Variants in TANGO6 observed in about 807,000 individuals in gnomAD.
TANGO6 encodes the protein transport and Golgi organization protein 6 homolog.
TANGO6 carries 90 observed loss-of-function variants against 114.2 expected under a neutral mutation model. The observed-to-expected ratio is 0.79, with a 90% confidence interval of 0.66 to 0.94. TANGO6 has a LOEUF of 0.94. TANGO6 is among the 40% of genes least tolerant of loss of function. TANGO6 has a pLI of 0.00. For missense variants in TANGO6, 1,274 were observed against 1,315.3 expected (o/e 0.97, Z 0.49); for synonymous variants, 477 against 509.8 (o/e 0.94, Z 0.87).
chr16:69,071,516 T>TA (rs1960296753), intron 17 of TANGO6, among the ~76,000 whole-genome samples: 1 of 152,178 alleles, frequency 6.6e-6, no homozygotes, highest in African/African-American at 2.4e-5. Context: ...GTTCCAGTAG[T>TA]AAAAAACACC....
At chr16:68,960,558 A>G (rs1476190416) in intron 14 of TANGO6, among the ~76,000 whole-genome samples, 1 of 151,982 alleles carries the variant, frequency 6.6e-6, no homozygotes, top group African/African-American at 2.4e-5. Context: ...GCTGGAGTGC[A>G]GTGACACAGT....
chr16:69,024,235 G>T (rs1959462310), intron 16 of TANGO6, among the ~76,000 whole-genome samples: 1 of 149,404 alleles, frequency 6.7e-6, no homozygotes, highest in South Asian at 2.1e-4. Flanking sequence ...TGTGCGTCTT[G>T]CCCCTGGCCT....
Position 69,083,854 on chromosome 16 carries a change from G to A in TANGO6, c.*193G>A. On this transcript the variant is annotated 3_prime_UTR_variant, in exon 18 of 18. Transcript: ENST00000261778. ...CATGTGTTCAGCACTCCCGCGTTCA[G>A]CCTGAGGGGTGTACAGTTAAGAGAA... 1.7e-6 allele frequency: 1 copy of A among 573,258 alleles called. No individual in the cohort carries two copies. The highest frequency in any genetic ancestry group is 3.1e-6 in the Non-Finnish European group (1 of 324,502). 35.5% of individuals were successfully genotyped at this position (573,258 alleles called of 1,614,324 possible). A position where few individuals can be genotyped will look rare whatever the true frequency, so the allele number is the denominator to read the frequency against.
At chr16:68,891,072 G>A (rs529639008) in intron 7 of TANGO6, among the ~76,000 whole-genome samples, 4 of 149,186 alleles carry the variant, frequency 2.7e-5, no homozygotes, top group South Asian at 4.3e-4. Context: ...TGGGGGGATC[G>A]CTTGAGGTCA....
chr16:68,850,113 A>C (rs1479439121), intron 1 of TANGO6, among the ~76,000 whole-genome samples: 1 of 151,710 alleles, frequency 6.6e-6, no homozygotes, highest in African/African-American at 2.4e-5. Flanking sequence ...AGCTGGGACT[A>C]CAGGCATGTG....
At chr16:68,929,303 C>T (rs1241329051) in intron 13 of TANGO6, among the ~76,000 whole-genome samples, 2 of 152,160 alleles carry the variant, frequency 1.3e-5, no homozygotes, top group South Asian at 2.1e-4. Context: ...CCTTCTTCTG[C>T]TGTACATAAT....
chr16:68,920,144 C>T (rs1174924711), intron 12 of TANGO6, among the ~76,000 whole-genome samples: 1 of 152,162 alleles, frequency 6.6e-6, no homozygotes, highest in Non-Finnish European at 1.5e-5. Flanking sequence ...CAGGGCAGAC[C>T]GTCATGAAAC....
At chr16:68,949,623 G>GA (rs58121672) in intron 14 of TANGO6, among the ~76,000 whole-genome samples, 124 of 124,308 alleles carry the variant, frequency 1.0e-3, no homozygotes, top group Admixed American at 1.4e-3. Flanking sequence ...CTGTCTCAAA[G>GA]AAAAAAAAAA....
At chr16:68,995,115 T>C (rs1445076758) in intron 15 of TANGO6, among the ~76,000 whole-genome samples, 1 of 152,192 alleles carries the variant, frequency 6.6e-6, no homozygotes, top group Non-Finnish European at 1.5e-5. Flanking sequence ...ATGGTCCCAA[T>C]CTAAGCCTGT....
rs1196767767 is a variant in TANGO6 at position 68,922,242 on chromosome 16, T to TA, written c.2127+3036dup. Among the ~76,000 whole-genome samples, 934 of 136,100 alleles carry TA rather than the reference T, an allele frequency of 6.9e-3. 13 individuals carry two copies. Among genetic ancestry groups the TA allele is most frequent in the African/African-American group, 0.022 (825 of 37,012 alleles). 89.3% of individuals were successfully genotyped at this position (136,100 alleles called of 152,430 possible). ...CTGACAACAACAACAAAAACAAAAT[T>TA]AAAAAAAAAAAAAGGCCGGGCGCGG... On this transcript the variant is annotated intron_variant, in intron 12 of 17. Transcript: ENST00000261778.
At chr16:69,028,856 C>CA (rs397761274) in intron 16 of TANGO6, among the ~76,000 whole-genome samples, 6,633 of 65,548 alleles carry the variant, frequency 0.1, 250 homozygotes, top group African/African-American at 0.18. Context: ...CCCAGTTTAA[C>CA]AAAAAAAAAA....
intron 1 of TANGO6, among the ~76,000 whole-genome samples, chr16:68,856,920 T>C (rs1725465715): frequency 6.6e-6 from 1 of 152,114 alleles, no homozygotes; most frequent in Admixed American, 6.6e-5. Flanking sequence ...CCGTCCTGGC[T>C]AACACGGTGA....
intron 12 of TANGO6, among the ~76,000 whole-genome samples, chr16:68,920,482 T>C (rs1963074305): frequency 6.6e-6 from 1 of 152,130 alleles, no homozygotes; most frequent in Non-Finnish European, 1.5e-5. Flanking sequence ...GGCTAGACCA[T>C]GCATGTGTGT....
intron 7 of TANGO6, among the ~76,000 whole-genome samples, chr16:68,897,447 A>C (rs1962720333): frequency 1.3e-5 from 2 of 152,258 alleles, no homozygotes; most frequent in East Asian, 3.8e-4. Flanking sequence ...CATTTGTTGA[A>C]TCTTTATATA....
At chr16:68,921,470 G>A (rs1200602003) in intron 12 of TANGO6, among the ~76,000 whole-genome samples, 6 of 151,822 alleles carry the variant, frequency 4.0e-5, no homozygotes, top group African/African-American at 9.7e-5. Flanking sequence ...GAGCCACCAC[G>A]CTCGGCCGGA....
At chr16:68,892,488 G>A (rs1013779758) in intron 7 of TANGO6, among the ~76,000 whole-genome samples, 7 of 152,020 alleles carry the variant, frequency 4.6e-5, no homozygotes, top group African/African-American at 1.4e-4. Context: ...GAAAAGCCAC[G>A]GGTAAGTGGA....
intron 15 of TANGO6, among the ~76,000 whole-genome samples, chr16:69,021,348 C>T (rs975276108): frequency 1.3e-5 from 2 of 152,140 alleles, no homozygotes; most frequent in Non-Finnish European, 2.9e-5. Flanking sequence ...ATGACTGATA[C>T]GCTCACCTTC....
intron 17 of TANGO6, among the ~76,000 whole-genome samples, chr16:69,044,705 A>G (rs143974754): frequency 4.6e-4 from 70 of 152,256 alleles, no homozygotes; most frequent in Middle Eastern, 6.8e-3. Context: ...GAACCAAGCA[A>G]GGTAGTTGCC....
chr16:68,937,111 C>A (rs982819323), intron 14 of TANGO6: 1 of 152,196 alleles, frequency 6.6e-6, no homozygotes, highest in Non-Finnish European at 1.5e-5. Flanking sequence ...CAGATTTCTA[C>A]CTCAAATAAA....
Sources: gnomAD v4.1 joint callset for allele counts (sites outside exome capture counted in the v4.1 genomes callset) on GRCh38, gnomAD v4.1.1 for gene constraint, MANE v1.5 for transcripts, NCBI Gene and HGNC (gene_info 2026-07-23, HGNC 2026-07-21) for gene names.